Variants in RTN1 observed in about 807,000 individuals in gnomAD.
RTN1 encodes reticulon 1.
A neutral mutation model predicts 65.5 loss-of-function variants in RTN1; 25 were observed. The ratio of observed to expected loss-of-function variants is 0.38; its 90% confidence interval spans 0.28 to 0.53. RTN1 has a LOEUF of 0.53. Among genes scored for constraint, RTN1 ranks in the 20% least tolerant of loss-of-function variants. RTN1 has a pLI of 0.79. For synonymous variants in RTN1, 471 were observed against 447.6 expected (o/e 1.05, Z -0.66); for missense variants, 983 against 1,025.4 (o/e 0.96, Z 0.57).
chr14:59,828,896 G>A (rs1057106695), intron 1 of RTN1, among the ~76,000 whole-genome samples: 1 of 152,158 alleles, frequency 6.6e-6, no homozygotes, highest in African/African-American at 2.4e-5. Context: ...TAAGGAATGT[G>A]GCCTGTAAAT....
At chr14:59,838,264 C>T (rs1413897917) in intron 1 of RTN1, among the ~76,000 whole-genome samples, 1 of 152,188 alleles carries the variant, frequency 6.6e-6, no homozygotes, top group Non-Finnish European at 1.5e-5. Flanking sequence ...CGCATCTATG[C>T]TACTGCAAAG....
At chr14:59,743,616 T>C (rs909816754) in intron 2 of RTN1, among the ~76,000 whole-genome samples, 3 of 152,184 alleles carry the variant, frequency 2.0e-5, no homozygotes, top group Non-Finnish European at 4.4e-5. Context: ...TTCTGATTTG[T>C]CATTACTACC....
At chr14:59,624,041 C>T (rs1884736) in intron 3 of RTN1, among the ~76,000 whole-genome samples, 149,925 of 152,340 alleles carry the variant, frequency 0.98, 73,816 homozygotes, top group East Asian at 1. Flanking sequence ...TTAAAACTTA[C>T]AGTTGTGCTT....
rs1320699991 is a variant in RTN1 at position 59,727,076 on chromosome 14, C to T, written c.1608G>A (p.Leu536=). ...PSTEPQPGPE[L]PPGDGALEPE... is the part of the protein sequence containing the mutation. ...GCTCCAGGGCTCCGTCTCCAGGGGG[C>T]AGCTCGGGGCCAGGCTGGGGCTCAG... The change falls in exon 3 of 9, where the codon CTG becomes CTA. Residue 536 remains leucine (L), a synonymous_variant. Transcript: ENST00000267484. This position sits in a 1 kb window ranked among gnomAD's most constrained non-coding sequence, Gnocchi z 4.2. 1 of 1,612,316 alleles carries T rather than the reference C, an allele frequency of 6.2e-7. No individual in the cohort carries two copies. The highest frequency in any genetic ancestry group is 1.7e-5 in the Admixed American group (1 of 59,826).
At chr14:59,670,773 G>T (rs555707585) in intron 3 of RTN1, among the ~76,000 whole-genome samples, 2 of 152,260 alleles carry the variant, frequency 1.3e-5, no homozygotes, top group South Asian at 4.1e-4. Context: ...CCCAAAGAAG[G>T]TAAATGACAT....
chr14:59,715,305 C>T (rs1338517301), intron 3 of RTN1, among the ~76,000 whole-genome samples: 1 of 152,186 alleles, frequency 6.6e-6, no homozygotes, highest in East Asian at 1.9e-4. Flanking sequence ...AGGTTTGGCT[C>T]TGAGACTTTC....
At position 59,727,272 on chromosome 14, in the gene RTN1, C is replaced by T. The variant is rs760591947; in HGVS notation, c.1412G>A (p.Cys471Tyr). ...CTCCTCCGAGGCCGAGGAGGCGTCG[C>T]ACGACTCGATGATGAGCTCGCTGTC... The part of the protein sequence containing the change: ...ELDSELIIES[C>Y]DASSASEESP... Residue 471 changes from cysteine to tyrosine, a missense_variant, in exon 3 of 9, where the codon TGC (cysteine) becomes TAC (tyrosine). Transcript: ENST00000267484. This position sits in a 1 kb window ranked among gnomAD's most constrained non-coding sequence, Gnocchi z 4.2. 6.6e-6 allele frequency: 10 copies of T among 1,508,982 alleles called. No homozygotes were observed. Among genetic ancestry groups the T allele is most frequent in the Non-Finnish European group, 8.0e-6 (9 of 1,128,128 alleles). The allele number at this position is 1,508,982 out of a possible 1,614,324, so 93.5% of individuals were successfully genotyped here.
intron 1 of RTN1, among the ~76,000 whole-genome samples, chr14:59,779,304 A>T (rs1442538994): frequency 6.6e-6 from 1 of 152,042 alleles, no homozygotes; most frequent in Non-Finnish European, 1.5e-5. Flanking sequence ...TACGAAGGGG[A>T]GAAAGAGGTT....
chr14:59,655,724 G>A (rs1883109108), intron 3 of RTN1, among the ~76,000 whole-genome samples: 1 of 152,180 alleles, frequency 6.6e-6, no homozygotes, highest in South Asian at 2.1e-4. Context: ...CAGTGGGGGA[G>A]AGAATTTTCT....
chr14:59,727,788 A>C lies in RTN1; in HGVS notation c.1016-120T>G. 1.5e-6 allele frequency: 2 copies of C among 1,333,248 alleles called. No homozygotes were observed. Among genetic ancestry groups the C allele is most frequent in the Non-Finnish European group, 2.0e-6 (2 of 1,006,364 alleles). 82.6% of individuals were successfully genotyped at this position (1,333,248 alleles called of 1,614,324 possible). ...CGAGATGTTTTGTCGTTGCTTGAGAAACACATATCTCATTAGCACAAAAAT... is the reference window on the plus strand; with the variant it reads ...CGAGATGTTTTGTCGTTGCTTGAGACACACATATCTCATTAGCACAAAAAT... On this transcript the variant is annotated intron_variant, in intron 2 of 8. Transcript: ENST00000267484. The surrounding 1 kb of genome is among the most constrained non-coding windows in gnomAD (Gnocchi z 4.2).
Position 59,860,579 on chromosome 14 carries a change from C to G in RTN1, c.241+9811G>C, listed in dbSNP as rs192106642. On this transcript the variant is annotated intron_variant, in intron 1 of 8. Coordinates refer to ENST00000267484, the MANE Select transcript of RTN1 (RefSeq NM_021136.3). ...GGCCACTGTCCTTCAGACCCCAGAA[C>G]AGTAGATCCATCGACAGCTTGCACC... Among the ~76,000 whole-genome samples the G allele has an allele frequency of 2.0e-5, 3 of 152,330 alleles. No homozygotes were observed. In the East Asian group the frequency reaches 5.8e-4, roughly 29 times the overall value.
At chr14:59,597,613 G>A (rs1221557696) in intron 8 of RTN1, among the ~76,000 whole-genome samples, 1 of 152,180 alleles carries the variant, frequency 6.6e-6, no homozygotes, top group Non-Finnish European at 1.5e-5. Flanking sequence ...ATTCCTGTAG[G>A]AATTGAGGAG....
intron 1 of RTN1, among the ~76,000 whole-genome samples, chr14:59,780,806 G>A (rs1886141120): frequency 1.3e-5 from 2 of 152,174 alleles, no homozygotes; most frequent in Admixed American, 6.5e-5. Flanking sequence ...ATAGGAAGGT[G>A]CAGCAATATC....
At chr14:59,787,907 C>G (rs911434292) in intron 1 of RTN1, among the ~76,000 whole-genome samples, 2 of 152,132 alleles carry the variant, frequency 1.3e-5, no homozygotes, top group Non-Finnish European at 2.9e-5. Flanking sequence ...TAGCCTAAAT[C>G]GATTTCTATA....
chr14:59,713,541 G>A (rs1262475229), intron 3 of RTN1, among the ~76,000 whole-genome samples: 1 of 152,164 alleles, frequency 6.6e-6, no homozygotes, highest in Non-Finnish European at 1.5e-5. Context: ...ACTTACTGCT[G>A]AGAATGGGTC....
At position 59,771,313 on chromosome 14, in the gene RTN1, C is replaced by G. The variant is rs1021323658; in HGVS notation, c.242-24832G>C. ...CAGGGGTCATCAGCTGACTTCTAAC[C>G]CAATGGGTTGACTAAGAATAAGCAG... On this transcript the variant is annotated intron_variant, in intron 1 of 8. Transcript: ENST00000267484. 6.6e-5 allele frequency among the ~76,000 whole-genome samples: 10 copies of G among 152,254 alleles called. 1 individual carries two copies. Among genetic ancestry groups the G allele is most frequent in the Admixed American group, 2.0e-4 (3 of 15,302 alleles).
At chr14:59,843,882 T>C (rs2139655108) in intron 1 of RTN1, among the ~76,000 whole-genome samples, 1 of 152,334 alleles carries the variant, frequency 6.6e-6, no homozygotes. Context: ...TGCTTTTTTA[T>C]AAACATTTTA....
At chr14:59,679,492 G>A (rs1883699966) in intron 3 of RTN1, among the ~76,000 whole-genome samples, 1 of 152,148 alleles carries the variant, frequency 6.6e-6, no homozygotes, top group African/African-American at 2.4e-5. Context: ...CCCCAACTGT[G>A]GGATGAATCT....
chr14:59,752,329 T>C (rs2139530694), intron 1 of RTN1, among the ~76,000 whole-genome samples: 1 of 152,290 alleles, frequency 6.6e-6, no homozygotes, highest in East Asian at 1.9e-4. Context: ...TTTGCTGTAA[T>C]TTCACATGGT....
Sources: allele counts gnomAD v4.1 joint callset (sites outside exome capture counted in the v4.1 genomes callset), GRCh38; gene constraint gnomAD v4.1.1; non-coding constraint Gnocchi (gnomAD v3.1); transcripts MANE v1.5; gene names NCBI Gene and HGNC (gene_info 2026-07-23, HGNC 2026-07-21).